GNAZ: variants seen among roughly 807,000 people sequenced by gnomAD.
GNAZ encodes the protein G protein subunit alpha z.
Under a neutral mutation model 25.4 loss-of-function variants are expected in GNAZ, and 3 were observed. That is an observed-to-expected ratio of 0.12 (90% CI 0.05 to 0.30). GNAZ has a LOEUF of 0.30. Ranked by LOEUF, GNAZ falls within the 10% of genes least tolerant of loss-of-function variation. The pLI, the probability that GNAZ is intolerant of heterozygous loss-of-function variation, is 1.00. For missense variants in GNAZ, 241 were observed against 501.8 expected, an observed-to-expected ratio of 0.48 and a Z score of 4.97; for synonymous variants, 211 against 205.7, an observed-to-expected ratio of 1.03 and a Z score of -0.22.
intron 2 of GNAZ, among the ~76,000 whole-genome samples, chr22:23,112,654 G>C (rs1158860507): frequency 1.3e-5 from 2 of 152,204 alleles, no homozygotes; most frequent in Non-Finnish European, 2.9e-5. Flanking sequence ...TGGAGCATCG[G>C]ACAAACACCA....
intron 1 of GNAZ, among the ~76,000 whole-genome samples, chr22:23,073,803 G>A (rs1297077676): frequency 6.6e-6 from 1 of 152,210 alleles, no homozygotes; most frequent in Admixed American, 6.5e-5. Flanking sequence ...GCCAGGTGCA[G>A]GGGTACAGCA....
intron 2 of GNAZ, among the ~76,000 whole-genome samples, chr22:23,101,684 C>T (rs2069306898): frequency 6.6e-6 from 1 of 152,244 alleles, no homozygotes; most frequent in Non-Finnish European, 1.5e-5. Flanking sequence ...GGGCCACATG[C>T]AGTTTGTCTG....
chr22:23,089,932 A>C (rs1174053667), intron 1 of GNAZ, among the ~76,000 whole-genome samples: 1 of 152,136 alleles, frequency 6.6e-6, no homozygotes, highest in Non-Finnish European at 1.5e-5. Context: ...CTCTGGCCTG[A>C]GCACAGCCCA....
rs559724641 is a variant in GNAZ, at chr22:23,081,770, C to T, written c.-450+11200C>T. Among the ~76,000 whole-genome samples, 38 of 141,338 alleles carry T rather than the reference C, an allele frequency of 2.7e-4. No homozygotes were observed. In the South Asian group the frequency reaches 6.0e-3, roughly 22 times the overall value. The allele number at this position is 141,338 out of a possible 152,430, so 92.7% of individuals were successfully genotyped here. A position where few individuals can be genotyped will look rare whatever the true frequency, so the allele number is the denominator to read the frequency against. ...CCAGCAGATGGAAGTTGCAGTGAGCCGAGATCGTGCCACTGCATTCCAGCC... is the reference window on the plus strand; with the variant it reads ...CCAGCAGATGGAAGTTGCAGTGAGCTGAGATCGTGCCACTGCATTCCAGCC... On this transcript the variant is annotated intron_variant, in intron 1 of 2. Transcript: ENST00000615612.
chr22:23,087,533 A>G (rs2068852405), intron 1 of GNAZ, among the ~76,000 whole-genome samples: 1 of 152,218 alleles, frequency 6.6e-6, no homozygotes, highest in Admixed American at 6.5e-5. Flanking sequence ...CTTCAAGACG[A>G]GAATTGCAAT....
chr22:23,082,015 C>T (rs1209618022), intron 1 of GNAZ, among the ~76,000 whole-genome samples: 1 of 149,768 alleles, frequency 6.7e-6, no homozygotes, highest in Non-Finnish European at 1.5e-5. Flanking sequence ...GTCCTAGCTA[C>T]TTGGGAGGCT....
chr22:23,075,576 C>T (rs1307780655), intron 1 of GNAZ, among the ~76,000 whole-genome samples: 1 of 152,218 alleles, frequency 6.6e-6, no homozygotes, highest in African/African-American at 2.4e-5. Flanking sequence ...TAAGGTATAA[C>T]TCTCTTTTAG....
chr22:23,110,385 G>A (rs111884159), intron 2 of GNAZ, among the ~76,000 whole-genome samples: 9 of 152,332 alleles, frequency 5.9e-5, no homozygotes, highest in Admixed American at 1.3e-4. Context: ...TGACAAGAGC[G>A]AGCCACGTTC....
At chr22:23,104,104 CT>C (rs1415580451) in intron 2 of GNAZ, among the ~76,000 whole-genome samples, 1 of 148,914 alleles carries the variant, frequency 6.7e-6, no homozygotes, top group African/African-American at 2.5e-5. Flanking sequence ...CCAGTCAAGG[CT>C]GTGGGGGAGC....
intron 2 of GNAZ, among the ~76,000 whole-genome samples, chr22:23,108,168 C>T (rs570524285): frequency 6.6e-6 from 1 of 152,382 alleles, no homozygotes; most frequent in South Asian, 2.1e-4. Context: ...ACCCCTGCCC[C>T]TGTACACAGC....
chr22:23,073,618 G>A lies in GNAZ; in HGVS notation c.-450+3048G>A, dbSNP rs1168886450. Among the ~76,000 whole-genome samples, 11 of 152,310 alleles carry A rather than the reference G, an allele frequency of 7.2e-5. No individual in the cohort carries two copies. In the South Asian group the frequency reaches 1.7e-3, roughly 23 times the overall value. ...ATTTTGGCCCTTTCGTGCGAACACCGCCAGGGGAGGCGCTTCACAGGATTG... is the reference window on the plus strand; with the variant it reads ...ATTTTGGCCCTTTCGTGCGAACACCACCAGGGGAGGCGCTTCACAGGATTG... On this transcript the variant is annotated intron_variant, in intron 1 of 2. Transcript: ENST00000615612.
At chr22:23,084,139 TG>T (rs1569165332) in intron 1 of GNAZ, among the ~76,000 whole-genome samples, 1 of 152,114 alleles carries the variant, frequency 6.6e-6, no homozygotes, top group Non-Finnish European at 1.5e-5. Context: ...TTAAGGCAAG[TG>T]GGGTTTTTAT....
intron 2 of GNAZ, among the ~76,000 whole-genome samples, chr22:23,115,363 G>C (rs2069795579): frequency 6.6e-6 from 1 of 152,214 alleles, no homozygotes; most frequent in Non-Finnish European, 1.5e-5. Flanking sequence ...GGGCTGCATG[G>C]ATCCAGAGTA....
rs1668607503 is a variant in GNAZ at position 23,124,457 on chromosome 22, C to T, written c.*1026C>T. The T allele has an allele frequency of 2.2e-6, 1 of 460,350 alleles. No individual in the cohort carries two copies. The highest frequency in any genetic ancestry group is 2.4e-5 in the Admixed American group (1 of 41,076). 28.5% of individuals were successfully genotyped at this position (460,350 alleles called of 1,614,324 possible). A position where few individuals can be genotyped will look rare whatever the true frequency, so the allele number is the denominator to read the frequency against. On this transcript the variant is annotated 3_prime_UTR_variant, in exon 3 of 3. Coordinates refer to ENST00000615612, the MANE Select transcript of GNAZ (RefSeq NM_002073.4). ...CCAGCCTCGCGGGACACGTGTTGTA[C>T]ATAAGCCTCTGCAGTGTCCTCTTGT...
In GNAZ at chr22:23,086,384, G is replaced by A. The variant is rs151305394; in HGVS notation, c.-449-8863G>A. The stretch of plus-strand genomic sequence containing the variant: ...AGGCCTGCTTTTAGCATGAGATGAC[G>A]TGTGTGAGCAAAGCACTCGGCCCAG... On this transcript the variant is annotated intron_variant, in intron 1 of 2. Transcript: ENST00000615612. Among the ~76,000 whole-genome samples the A allele has an allele frequency of 1.8e-4, 27 of 152,348 alleles. No homozygotes were observed. The East Asian group carries it at 3.9e-3, about 22-fold the overall frequency.
At chr22:23,092,794 A>AGCTT (rs1285618000) in intron 1 of GNAZ, among the ~76,000 whole-genome samples, 1 of 152,232 alleles carries the variant, frequency 6.6e-6, no homozygotes, top group Non-Finnish European at 1.5e-5. Context: ...TGGACAGAGC[A>AGCTT]GCTTCTCTGC....
intron 1 of GNAZ, among the ~76,000 whole-genome samples, chr22:23,084,112 G>A (rs1035167260): frequency 6.6e-6 from 1 of 152,198 alleles, no homozygotes; most frequent in Admixed American, 6.5e-5. Flanking sequence ...CCCTACCCAT[G>A]TCCAGTGTCA....
chr22:23,089,741 G>A (rs764763462), intron 1 of GNAZ, among the ~76,000 whole-genome samples: 21 of 152,176 alleles, frequency 1.4e-4, no homozygotes, highest in East Asian at 5.8e-4. Flanking sequence ...GATCTGTCCC[G>A]AAACCACAGG....
rs1479710857 is a variant in GNAZ at position 23,082,104 on chromosome 22, G to A, written c.-450+11534G>A. ...CGTGCCGCTGCACTCCAGCCTGGGC[G>A]ACAGAGCAAGACTCCGCCTCAAAAA... On this transcript the variant is annotated intron_variant, in intron 1 of 2. Transcript: ENST00000615612. Among the ~76,000 whole-genome samples the A allele has an allele frequency of 2.4e-4, 34 of 139,432 alleles. No individual in the cohort carries two copies. In the East Asian group the frequency reaches 3.9e-3, roughly 16 times the overall value. 91.5% of individuals were successfully genotyped at this position (139,432 alleles called of 152,430 possible). A position where few individuals can be genotyped will look rare whatever the true frequency, so the allele number is the denominator to read the frequency against.
Sources: allele counts gnomAD v4.1 joint callset (sites outside exome capture counted in the v4.1 genomes callset), GRCh38; gene constraint gnomAD v4.1.1; transcripts MANE v1.5; gene names NCBI Gene and HGNC (gene_info 2026-07-23, HGNC 2026-07-21).